Variants in RHBDL1 observed in about 807,000 individuals in gnomAD.
RHBDL1 encodes the protein rhomboid like 1.
Under a neutral mutation model 34.0 loss-of-function variants are expected in RHBDL1, and 21 were observed. That is an observed-to-expected ratio of 0.62 (90% CI 0.44 to 0.89). RHBDL1 has a LOEUF of 0.89. Ranked by LOEUF, RHBDL1 falls within the 40% of genes least tolerant of loss-of-function variation. The probability of loss-of-function intolerance (pLI) is 0.00; values close to 1 mark genes in which losing one functional copy is unlikely to be tolerated. For synonymous variants in RHBDL1, 268 were observed against 234.8 expected (o/e 1.14, Z -1.29); for missense variants, 450 against 530.6 (o/e 0.85, Z 1.49).
chr16:675,901 T>C lies in RHBDL1; in HGVS notation c.39+72T>C. On this transcript the variant is annotated intron_variant, in intron 1 of 7. Coordinates refer to ENST00000352681, the MANE Select transcript of RHBDL1 (RefSeq NM_001278720.2). ...CCCTCCTGCCGCTGAGCTGAGCTTG[T>C]GCGGGACCGAGCTCCCCGAAAGCCC... The C allele has an allele frequency of 5.5e-6, 8 of 1,445,160 alleles. No individual in the cohort carries two copies. The South Asian group carries it at 1.1e-4, about 20-fold the overall frequency. The allele number at this position is 1,445,160 out of a possible 1,614,324, so 89.5% of individuals were successfully genotyped here. A position where few individuals can be genotyped will look rare whatever the true frequency, so the allele number is the denominator to read the frequency against.
At chr16:675,854 G>T in intron 1 of RHBDL1, 25 bp downstream of exon 1, 1 of 1,506,470 alleles carries the variant, frequency 6.6e-7, no homozygotes, top group Non-Finnish European at 8.9e-7. Context: ...GGTCTGGGGA[G>T]CTGGCACCGC....
Position 675,810 on chromosome 16 carries a change from T to C in RHBDL1, c.20T>C (p.Leu7Pro). 2 of 1,514,012 alleles carry C rather than the reference T, an allele frequency of 1.3e-6. No individual in the cohort carries two copies. The highest frequency in any genetic ancestry group is 1.8e-6 in the Non-Finnish European group (2 of 1,134,616). 93.8% of individuals were successfully genotyped at this position (1,514,012 alleles called of 1,614,324 possible). The change falls in exon 1 of 8, where the codon CTG (leucine) becomes CCG (proline). Residue 7 changes from leucine (L) to proline (P), a missense_variant. Coordinates refer to ENST00000352681, the MANE Select transcript of RHBDL1 (RefSeq NM_001278720.2). The part of the protein sequence containing the change: MDRSSL[L>P]QLIQEQQLDP... ...GGCTCTATGGACAGGAGCTCGCTGC[T>C]GCAGCTCATCCAGGAGCAGGTGCGT...
In RHBDL1 at chr16:676,861, C is replaced by G. The variant is rs1433738361; in HGVS notation, c.391C>G (p.Pro131Ala). 1 of 1,612,176 alleles carries G rather than the reference C, an allele frequency of 6.2e-7. No homozygotes were observed. The highest frequency in any genetic ancestry group is 1.7e-5 in the Admixed American group (1 of 59,978). ...CTTCTACCGTCACCGCAGCTGCCCA[C>G]CCCCCGTGTTCATGGCCTCGGTCAC... Reference protein sequence around the residue: ...WYFYRHRSCPPPVFMASVTLA... With the variant: ...WYFYRHRSCPAPVFMASVTLA... The change falls in exon 3 of 8, where the codon CCC becomes GCC. Residue 131 changes from proline (P) to alanine (A), a missense_variant. Transcript: ENST00000352681. This position sits in a 1 kb window ranked among gnomAD's most constrained non-coding sequence, Gnocchi z 6.9.
intron 4 of RHBDL1, 68 bp downstream of exon 4, chr16:677,187 A>G (rs1472628784): frequency 1.3e-6 from 2 of 1,577,834 alleles, no homozygotes; most frequent in Non-Finnish European, 1.7e-6. Flanking sequence ...CTTAGCCGCA[A>G]GGCAGGTGCG....
At position 676,561 on chromosome 16, in the gene RHBDL1, GCTC is replaced by G; in HGVS notation, c.201+68_201+70del. The G allele has an allele frequency of 6.4e-7, 1 of 1,568,056 alleles. No homozygotes were observed. Among genetic ancestry groups the G allele is most frequent in the African/African-American group, 1.3e-5 (1 of 74,382 alleles). ...CCTGGCCAGAGGAGGCGGGCAGGCA[GCTC>G]CTCACGGCGGTGGGTGGGGGGCTTG... On this transcript the variant is annotated intron_variant, in intron 2 of 7. Transcript: ENST00000352681. This position sits in a 1 kb window ranked among gnomAD's most constrained non-coding sequence, Gnocchi z 6.9.
chr16:675,897 C>G (rs1324238864), intron 1 of RHBDL1, 68 bp downstream of exon 1: 3 of 1,451,954 alleles, frequency 2.1e-6, no homozygotes, highest in Non-Finnish European at 2.7e-6. Context: ...CTGAGCTGAG[C>G]TTGTGCGGGA....
chr16:675,848 T>C lies in RHBDL1; in HGVS notation c.39+19T>C. 2 of 1,512,112 alleles carry C rather than the reference T, an allele frequency of 1.3e-6. No individual in the cohort carries two copies. Among genetic ancestry groups the C allele is most frequent in the East Asian group, 2.6e-5 (1 of 38,220 alleles). The allele number at this position is 1,512,112 out of a possible 1,614,324, so 93.7% of individuals were successfully genotyped here. ...GGAGCAGGTGCGTCGGGGGGTGGTC[T>C]GGGGAGCTGGCACCGCCCCCAATGC... On this transcript the variant is annotated intron_variant, in intron 1 of 7. Transcript: ENST00000352681.
chr16:676,572 C>T lies in RHBDL1; in HGVS notation c.201+75C>T, dbSNP rs779348359. 467 of 1,570,350 alleles carry T rather than the reference C, an allele frequency of 3.0e-4. 1 individual carries two copies. Among genetic ancestry groups the T allele is most frequent in the Non-Finnish European group, 3.9e-4 (448 of 1,161,396 alleles). ...GAGGCGGGCAGGCAGCTCCTCACGG[C>T]GGTGGGTGGGGGGCTTGTGGATGCG... On this transcript the variant is annotated intron_variant, in intron 2 of 7. Transcript: ENST00000352681. This position sits in a 1 kb window ranked among gnomAD's most constrained non-coding sequence, Gnocchi z 6.9.
At position 676,712 on chromosome 16, in the gene RHBDL1, C is replaced by T. The variant is rs560505670; in HGVS notation, c.242C>T (p.Ala81Val). Reference protein sequence around the residue: ...KRSSSFKRAIANGQRALPRDG... With the variant: ...KRSSSFKRAIVNGQRALPRDG... ...TCCAGCAGTTTCAAGCGGGCCATTG[C>T]TAACGGACAGCGGGCACTGCCCCGG... Residue 81 changes from alanine to valine, a missense_variant, in exon 3 of 8, where the codon GCT becomes GTT. Transcript: ENST00000352681. This position sits in a 1 kb window ranked among gnomAD's most constrained non-coding sequence, Gnocchi z 6.9. 6.2e-7 allele frequency: 1 copy of T among 1,612,336 alleles called. No homozygotes were observed. The highest frequency in any genetic ancestry group is 1.1e-5 in the South Asian group (1 of 91,050).
At position 678,205 on chromosome 16, in the gene RHBDL1, C is replaced by G. The variant is rs898341918; in HGVS notation, c.*153C>G. The G allele has an allele frequency of 2.2e-6, 3 of 1,379,792 alleles. No individual in the cohort carries two copies. Among genetic ancestry groups the G allele is most frequent in the African/African-American group, 3.0e-5 (2 of 67,222 alleles). The allele number at this position is 1,379,792 out of a possible 1,614,324, so 85.5% of individuals were successfully genotyped here. On this transcript the variant is annotated 3_prime_UTR_variant, in exon 8 of 8. Coordinates refer to ENST00000352681, the MANE Select transcript of RHBDL1 (RefSeq NM_001278720.2). ...AAGGAGGCCCTGTCCCAGCCACCCACCCCCCACTCCCAGGACTTGCGGTCT... is the reference window on the plus strand; with the variant it reads ...AAGGAGGCCCTGTCCCAGCCACCCAGCCCCCACTCCCAGGACTTGCGGTCT...
In RHBDL1 at chr16:676,209, A is replaced by C. The variant is rs1372484571; in HGVS notation, c.40-127A>C. On this transcript the variant is annotated intron_variant, in intron 1 of 7. Transcript: ENST00000352681. This position sits in a 1 kb window ranked among gnomAD's most constrained non-coding sequence, Gnocchi z 6.9. ...TCAAGCAGGGTCCCAGGGAACAGACAGGCACGGGGCCCCTGTCCCAAAAGT... is the reference window on the plus strand; with the variant it reads ...TCAAGCAGGGTCCCAGGGAACAGACCGGCACGGGGCCCCTGTCCCAAAAGT... 6.5e-7 allele frequency: 1 copy of C among 1,535,354 alleles called. No homozygotes were observed. Among genetic ancestry groups the C allele is most frequent in the Non-Finnish European group, 8.8e-7 (1 of 1,138,550 alleles).
chr16:678,217 A>G lies in RHBDL1; in HGVS notation c.*165A>G. 2 of 1,379,658 alleles carry G rather than the reference A, an allele frequency of 1.4e-6. No individual in the cohort carries two copies. The highest frequency in any genetic ancestry group is 3.6e-5 in the South Asian group (2 of 56,150). The allele number at this position is 1,379,658 out of a possible 1,614,324, so 85.5% of individuals were successfully genotyped here. A position where few individuals can be genotyped will look rare whatever the true frequency, so the allele number is the denominator to read the frequency against. On this transcript the variant is annotated 3_prime_UTR_variant, in exon 8 of 8. Transcript: ENST00000352681. ...TCCCAGCCACCCACCCCCCACTCCC[A>G]GGACTTGCGGTCTGAGCCTTTTTGG...
In RHBDL1 at chr16:676,410, C is replaced by T. The variant is rs1370504424; in HGVS notation, c.114C>T (p.Pro38=). 18 of 1,607,944 alleles carry T rather than the reference C, an allele frequency of 1.1e-5. 1 individual carries two copies. The South Asian group carries it at 1.8e-4, about 16-fold the overall frequency. The change falls in exon 2 of 8, where the codon CCC becomes CCT. Residue 38 remains proline (P), a synonymous_variant. Transcript: ENST00000352681. This position sits in a 1 kb window ranked among gnomAD's most constrained non-coding sequence, Gnocchi z 6.9. ...FTGLVHSHEL[P]LDPAKLDMLV... ...GCCTGGTGCACAGCCATGAGCTGCC[C>T]CTGGACCCGGCCAAGCTGGACATGC...
intron 4 of RHBDL1, 69 bp from the exon 5 acceptor site, chr16:677,207 G>A: frequency 6.4e-7 from 1 of 1,565,174 alleles, no homozygotes; most frequent in Non-Finnish European, 8.7e-7. Flanking sequence ...GGCAACTTGA[G>A]GTGACGGCTG....
At position 677,416 on chromosome 16, in the gene RHBDL1, T is replaced by C. The variant is rs559393812; in HGVS notation, c.688+28T>C. On this transcript the variant is annotated intron_variant, in intron 5 of 7. Transcript: ENST00000352681. ...GAGGCAGGCGCGCACCCCCGCCCCC[T>C]GCCCTGGCCGGCTGCACCCTCACCC... The C allele has an allele frequency of 2.5e-6, 4 of 1,572,528 alleles. No homozygotes were observed. In the East Asian group the frequency reaches 9.4e-5, roughly 37 times the overall value.
In RHBDL1 at chr16:677,352, C is replaced by A; in HGVS notation, c.652C>A (p.Arg218Ser). The A allele has an allele frequency of 6.3e-7, 1 of 1,575,930 alleles. No individual in the cohort carries two copies. Among genetic ancestry groups the A allele is most frequent in the Non-Finnish European group, 8.6e-7 (1 of 1,161,518 alleles). The change falls in exon 5 of 8, where the codon CGC becomes AGC. Residue 218 changes from arginine (R) to serine (S), a missense_variant. Arg to Ser is a moderately radical substitution (Grantham distance 110). Transcript: ENST00000352681. ...VPLEMVHGLLRISLLYLAGVL... is the reference protein window; with the variant it reads ...VPLEMVHGLLSISLLYLAGVL... ...CCTGGAGATGGTGCACGGCCTGCTC[C>A]GCATCAGCCTGCTCTACCTGGCAGG...
chr16:677,208 GTGACGGC>G, intron 4 of RHBDL1, 61 bp from the exon 5 acceptor site: 3 of 1,565,550 alleles, frequency 1.9e-6, no homozygotes, highest in Admixed American at 3.6e-5. Flanking sequence ...GCAACTTGAG[GTGACGGC>G]TGGGGGTGGG....
chr16:676,119 C>A lies in RHBDL1; in HGVS notation c.40-217C>A, dbSNP rs763687398. On this transcript the variant is annotated intron_variant, in intron 1 of 7. Transcript: ENST00000352681. This position sits in a 1 kb window ranked among gnomAD's most constrained non-coding sequence, Gnocchi z 6.9. Reference sequence around the variant, plus strand: ...TTTCCAGGATGGGTAGGGTGGAAGACGGGGGAACAACTGAGGAGCTGGAGG... The same window carrying A: ...TTTCCAGGATGGGTAGGGTGGAAGAAGGGGGAACAACTGAGGAGCTGGAGG... The A allele has an allele frequency of 1.3e-5, 19 of 1,453,864 alleles. No individual in the cohort carries two copies. The highest frequency in any genetic ancestry group is 1.6e-5 in the Non-Finnish European group (18 of 1,099,308). 90.1% of individuals were successfully genotyped at this position (1,453,864 alleles called of 1,614,324 possible).
At chr16:677,196 C>G in intron 4 of RHBDL1, 77 bp downstream of exon 4, 2 of 1,572,420 alleles carry the variant, frequency 1.3e-6, no homozygotes, top group Admixed American at 3.5e-5. Flanking sequence ...AAGGCAGGTG[C>G]GGCAACTTGA....
Sources: allele counts gnomAD v4.1 joint callset, GRCh38; gene constraint gnomAD v4.1.1; non-coding constraint Gnocchi (gnomAD v3.1); transcripts MANE v1.5; gene names NCBI Gene and HGNC (gene_info 2026-07-23, HGNC 2026-07-21).